The following ZNF611 variants were observed in gnomAD, a reference collection of about 807,000 sequenced individuals.
ZNF611 encodes the protein zinc finger protein 611.
In ZNF611, 6 loss-of-function variants were observed where a neutral mutation model predicts 8.9. That is an observed-to-expected ratio of 0.68 (90% CI 0.37 to 1.34). ZNF611 has a LOEUF of 1.34. ZNF611 is among the 40% of genes most tolerant of loss of function. The probability of loss-of-function intolerance (pLI) is 0.02; values close to 1 mark genes in which losing one functional copy is unlikely to be tolerated. For missense variants in ZNF611, 874 were observed against 841.3 expected (o/e 1.04, Z -0.48); for synonymous variants, 262 against 279.7 (o/e 0.94, Z 0.63).
chr19:52,731,590 A>G (rs2062426040), intron 1 of ZNF611, among the ~76,000 whole-genome samples: 1 of 151,536 alleles, frequency 6.6e-6, no homozygotes, highest in African/African-American at 2.4e-5. Context: ...GCTGGTATCG[A>G]ACTCCTGACC....
intron 5 of ZNF611, among the ~76,000 whole-genome samples, chr19:52,709,331 G>A (rs1600308642): frequency 2.0e-5 from 3 of 151,876 alleles, no homozygotes; most frequent in Admixed American, 2.0e-4. Context: ...GGAGTGCGGT[G>A]GTGCAATCTT....
intron 5 of ZNF611, among the ~76,000 whole-genome samples, chr19:52,712,373 A>G (rs1475726941): frequency 1.4e-5 from 2 of 143,502 alleles, no homozygotes; most frequent in Non-Finnish European, 3.0e-5. Context: ...ATCCCAGCTC[A>G]TTAGGAAGAC....
intron 1 of ZNF611, among the ~76,000 whole-genome samples, 185 bp from the exon 2 acceptor site, chr19:52,730,190 G>A (rs1053396740): frequency 6.6e-5 from 10 of 151,918 alleles, no homozygotes; most frequent in South Asian, 2.1e-4. Context: ...TCAGGAGATC[G>A]AGACCATCCT....
chr19:52,705,671 C>T lies in ZNF611; in HGVS notation c.1384G>A (p.Ala462Thr), dbSNP rs1444537763. The T allele has an allele frequency of 1.2e-6, 2 of 1,613,538 alleles. No individual in the cohort carries two copies. The highest frequency in any genetic ancestry group is 1.7e-6 in the Non-Finnish European group (2 of 1,179,828). ...KSYKCKVCDK[A>T]FVWSSQLAKH... ...GCCAGTTGTGAACTCCACACAAAAG[C>T]CTTGTCACAAACCTTACATTTGTAA... is the stretch of plus-strand genomic sequence containing the variant. The change falls in exon 6 of 6, where the codon GCT becomes ACT. Residue 462 changes from alanine to threonine, a missense_variant. Coordinates refer to ENST00000652185, the MANE Select transcript of ZNF611 (RefSeq NM_001161499.2).
Position 52,706,190 on chromosome 19 carries a change from A to C in ZNF611, c.865T>G (p.Cys289Gly). 1 of 1,614,178 alleles carries C rather than the reference A, an allele frequency of 6.2e-7. No homozygotes were observed. Among genetic ancestry groups the C allele is most frequent in the African/African-American group, 1.3e-5 (1 of 75,060 alleles). ...RCHTVEKPYK[C>G]KECGKTFSQE... is the part of the protein sequence containing the mutation. ...CTGAAGGTCTTGCCACACTCTTTAC[A>C]CTTGTAAGGTTTCTCAACAGTGTGA... Residue 289 changes from cysteine to glycine, a missense_variant, in exon 6 of 6, where the codon TGT becomes GGT. Physicochemically the swap from Cys to Gly is radical, Grantham distance 159. Transcript: ENST00000652185.
At chr19:52,726,720 GTGTTT>G (rs1027989986) in intron 3 of ZNF611, among the ~76,000 whole-genome samples, 2 of 130,072 alleles carry the variant, frequency 1.5e-5, no homozygotes, top group African/African-American at 6.2e-5. Flanking sequence ...GCTCGGCCTT[GTGTTT>G]TTTTTTTTTT....
At position 52,715,792 on chromosome 19, in the gene ZNF611, C is replaced by T. The variant is rs748600081; in HGVS notation, c.63+40G>A. On this transcript the variant is annotated intron_variant, in intron 4 of 5. Coordinates refer to ENST00000652185, the MANE Select transcript of ZNF611 (RefSeq NM_001161499.2). ...GCTACAATACCTGGCATTTCAGAAA[C>T]GAAAGACACAGATTAATCCACAGAG... is the stretch of plus-strand genomic sequence containing the variant. 3.1e-5 allele frequency: 49 copies of T among 1,603,582 alleles called. No individual in the cohort carries two copies. In the East Asian group the frequency reaches 4.0e-4, roughly 13 times the overall value.
chr19:52,713,588 A>C (rs904374838), intron 5 of ZNF611, among the ~76,000 whole-genome samples: 1 of 152,098 alleles, frequency 6.6e-6, no homozygotes, highest in Non-Finnish European at 1.5e-5. Context: ...CGCTTCTGTG[A>C]TGCTCCTCAA....
intron 5 of ZNF611, among the ~76,000 whole-genome samples, 158 bp from the exon 6 acceptor site, chr19:52,707,022 T>C (rs1489236602): frequency 6.6e-6 from 1 of 152,106 alleles, no homozygotes; most frequent in Non-Finnish European, 1.5e-5. Flanking sequence ...CTTTAGTAAA[T>C]AAAGGGTGAT....
chr19:52,725,091 G>C (rs534084496), intron 3 of ZNF611, among the ~76,000 whole-genome samples: 1 of 152,150 alleles, frequency 6.6e-6, no homozygotes, highest in African/African-American at 2.4e-5. Context: ...TCACACGCGG[G>C]TTTGGAGTAA....
intron 2 of ZNF611, 177 bp downstream of exon 2, chr19:52,729,721 CAAGCAAAT>C (rs896019869): frequency 6.6e-6 from 1 of 151,966 alleles, no homozygotes; most frequent in African/African-American, 2.4e-5. Context: ...ATAAAACCAG[CAAGCAAAT>C]AAGTACATTT....
At chr19:52,712,919 G>C (rs1342830900) in intron 5 of ZNF611, among the ~76,000 whole-genome samples, 1 of 152,160 alleles carries the variant, frequency 6.6e-6, no homozygotes, top group African/African-American at 2.4e-5. Context: ...AGGGGCCAGG[G>C]GCTGTGGCTC....
chr19:52,734,217 C>G (rs2062443158), intron 1 of ZNF611, among the ~76,000 whole-genome samples: 1 of 147,166 alleles, frequency 6.8e-6, no homozygotes, highest in African/African-American at 2.5e-5. Flanking sequence ...CTTCTGCCAT[C>G]TCTTGGCATA....
Position 52,712,483 on chromosome 19 carries a change from A to C in ZNF611, c.190+1532T>G, listed in dbSNP as rs113169592. The stretch of plus-strand genomic sequence containing the variant: ...AAAAAAAAAAAAAAAAAAAAAAAAA[A>C]AAAACATTGGCCGGGCATGGTGATG... On this transcript the variant is annotated intron_variant, in intron 5 of 5. Transcript: ENST00000652185. 7.4e-3 allele frequency among the ~76,000 whole-genome samples: 1,100 copies of C among 149,124 alleles called. 20 individuals carry two copies. The highest frequency in any genetic ancestry group is 0.026 in the African/African-American group (1,036 of 40,572).
chr19:52,723,194 T>C (rs1235414840), intron 3 of ZNF611, among the ~76,000 whole-genome samples: 1 of 151,616 alleles, frequency 6.6e-6, no homozygotes, highest in Non-Finnish European at 1.5e-5. Flanking sequence ...ATTTATCCCC[T>C]TCTTCCCTCT....
intron 5 of ZNF611, chr19:52,711,344 AACT>A (rs2062278333): frequency 7.8e-6 from 1 of 128,118 alleles, no homozygotes; most frequent in Non-Finnish European, 1.6e-5. Flanking sequence ...AACAAAACAA[AACT>A]AAACAAAAAA....
chr19:52,710,897 C>A (rs998123229), intron 5 of ZNF611, among the ~76,000 whole-genome samples: 1 of 128,058 alleles, frequency 7.8e-6, no homozygotes, highest in Non-Finnish European at 1.6e-5. Flanking sequence ...CAGGCTCGCA[C>A]CAGGCATAAT....
In ZNF611 at chr19:52,704,966, G is replaced by C; in HGVS notation, c.2089C>G (p.His697Asp). ...GGTTTCTCTCCAGTATGAATTCTAT[G>C]ATGACGTGAAAGGTGTGATTGTTGA... ...FNQQSHLSRH[H>D]RIHTGEKP Residue 697 changes from histidine (H) to aspartate (D), a missense_variant, in exon 6 of 6, where the codon CAT (histidine) becomes GAT (aspartate). Transcript: ENST00000652185. The C allele has an allele frequency of 6.2e-7, 1 of 1,614,094 alleles. No homozygotes were observed. Among genetic ancestry groups the C allele is most frequent in the Non-Finnish European group, 8.5e-7 (1 of 1,180,010 alleles).
chr19:52,731,436 T>C (rs761127494), intron 1 of ZNF611, among the ~76,000 whole-genome samples: 1 of 152,108 alleles, frequency 6.6e-6, no homozygotes, highest in Non-Finnish European at 1.5e-5. Context: ...AGTGGCGCAA[T>C]CTCGGCTCAC....
Sources: allele counts gnomAD v4.1 joint callset (sites outside exome capture counted in the v4.1 genomes callset), GRCh38; gene constraint gnomAD v4.1.1; transcripts MANE v1.5; gene names NCBI Gene and HGNC (gene_info 2026-07-23, HGNC 2026-07-21).